Variants in ARPC4 observed in about 807,000 individuals in gnomAD.
ARPC4 encodes the protein actin-related protein 2/3 complex subunit 4.
In ARPC4, 3 loss-of-function variants were observed where a neutral mutation model predicts 22.8. That is an observed-to-expected ratio of 0.13 (90% confidence interval 0.06 to 0.34). ARPC4 has a LOEUF of 0.34. Among genes scored for constraint, ARPC4 ranks in the 10% least tolerant of loss-of-function variants. ARPC4 has a pLI of 1.00. For missense variants in ARPC4, 98 were observed against 211.0 expected (o/e 0.46, Z 3.32); for synonymous variants, 80 against 72.5 (o/e 1.10, Z -0.52).
rs13322032 is a variant in ARPC4 at position 9,794,216 on chromosome 3, A to G, written c.3+1092A>G. ...GGTTTACTTTCTATAACTGTTGACA[A>G]AGGCCAGGCGTGGTGGCTCACGCTT... On this transcript the variant is annotated intron_variant, in intron 1 of 5. Coordinates refer to ENST00000397261, the MANE Select transcript of ARPC4 (RefSeq NM_005718.5). Among the ~76,000 whole-genome samples, 1,137 of 152,288 alleles carry G rather than the reference A, an allele frequency of 7.5e-3. 12 individuals are homozygous for G. Among genetic ancestry groups the G allele is most frequent in the African/African-American group, 0.021 (885 of 41,560 alleles).
chr3:9,792,683 C>T (rs932461303), upstream of ARPC4: 12 of 1,233,228 alleles, frequency 9.7e-6, no homozygotes, highest in Admixed American at 2.1e-4. Context: ...GCAGTTAGCC[C>T]CGCCGAGCGC....
intron 4 of ARPC4, among the ~76,000 whole-genome samples, chr3:9,802,293 C>T (rs538141909): frequency 1.1e-4 from 16 of 150,258 alleles, no homozygotes; most frequent in East Asian, 9.8e-4. Flanking sequence ...TGCTTATTCC[C>T]GGAGCCTATA....
At chr3:9,794,002 T>C (rs988460141) in intron 1 of ARPC4, among the ~76,000 whole-genome samples, 1 of 152,196 alleles carries the variant, frequency 6.6e-6, no homozygotes, top group African/African-American at 2.4e-5. Context: ...AATTTGTTCT[T>C]CCTCCTGGGT....
chr3:9,792,994 G>A, upstream of ARPC4: 2 of 1,474,068 alleles, frequency 1.4e-6, no homozygotes, highest in Admixed American at 2.5e-5. Context: ...TCTCTACCCC[G>A]CTCGGAGCAT....
intron 1 of ARPC4, among the ~76,000 whole-genome samples, chr3:9,796,015 G>C (rs2078875928): frequency 6.6e-6 from 1 of 152,178 alleles, no homozygotes; most frequent in Non-Finnish European, 1.5e-5. Context: ...TGAATCACTT[G>C]AACCCGGGAG....
chr3:9,798,806 G>A (rs1428884670), intron 2 of ARPC4, among the ~76,000 whole-genome samples: 2 of 151,974 alleles, frequency 1.3e-5, no homozygotes, highest in African/African-American at 2.4e-5. Context: ...CCTGGGAGGC[G>A]GAGGTTGCAG....
At chr3:9,794,203 A>G (rs990407071) in intron 1 of ARPC4, among the ~76,000 whole-genome samples, 7 of 152,174 alleles carry the variant, frequency 4.6e-5, no homozygotes, top group African/African-American at 1.4e-4. Flanking sequence ...TTTACTTTCT[A>G]TAACTGTTGA....
rs116142193 is a variant in ARPC4 at position 9,805,457 on chromosome 3, G to A, written c.502-753G>A. Among the ~76,000 whole-genome samples the A allele has an allele frequency of 8.1e-3, 1,229 of 152,324 alleles. 21 individuals are homozygous for A. The highest frequency in any genetic ancestry group is 0.028 in the African/African-American group (1,154 of 41,564). On this transcript the variant is annotated intron_variant, in intron 5 of 5. Coordinates refer to ENST00000397261, the MANE Select transcript of ARPC4 (RefSeq NM_005718.5). Reference sequence around the variant, plus strand: ...ACAAATTCAGGTGCATCCAAAGGTCGGGTAGCTATGGAGTGGGCTGAGTAT... The same window carrying A: ...ACAAATTCAGGTGCATCCAAAGGTCAGGTAGCTATGGAGTGGGCTGAGTAT...
intron 1 of ARPC4, among the ~76,000 whole-genome samples, chr3:9,795,292 G>T (rs2078859323): frequency 6.6e-6 from 1 of 152,110 alleles, no homozygotes; most frequent in Non-Finnish European, 1.5e-5. Context: ...GAGCCCCTGG[G>T]AAGTTTTTTT....
At chr3:9,798,652 G>A (rs1410597901) in intron 2 of ARPC4, among the ~76,000 whole-genome samples, 1 of 152,132 alleles carries the variant, frequency 6.6e-6, no homozygotes, top group East Asian at 1.9e-4. Flanking sequence ...GAGGCAGACA[G>A]ATTATGAGGT....
chr3:9,793,042 C>A, upstream of ARPC4: 1 of 1,543,104 alleles, frequency 6.5e-7, no homozygotes. Flanking sequence ...GAGACCGTAG[C>A]TGCGCTTCTC....
At chr3:9,804,314 G>C (rs11916534) in intron 5 of ARPC4, 127 of 262,460 alleles carry the variant, frequency 4.8e-4, no homozygotes, top group African/African-American at 2.7e-3. Context: ...CCTCTATCTC[G>C]TTTAAACCCC....
chr3:9,805,728 C>G (rs975674639), intron 5 of ARPC4, among the ~76,000 whole-genome samples: 3 of 152,196 alleles, frequency 2.0e-5, no homozygotes, highest in Non-Finnish European at 2.9e-5. Context: ...CAGGGCTGTC[C>G]TAGGCAGCAT....
intron 2 of ARPC4, among the ~76,000 whole-genome samples, chr3:9,799,321 A>G (rs567299341): frequency 6.6e-6 from 1 of 152,354 alleles, no homozygotes; most frequent in East Asian, 1.9e-4. Flanking sequence ...GCTTGGGACC[A>G]AAAGTATTTC....
intron 3 of ARPC4, 57 bp from the exon 4 acceptor site, chr3:9,801,604 G>A (rs568416625): frequency 6.6e-7 from 1 of 1,519,184 alleles, no homozygotes; most frequent in Admixed American, 2.0e-5. Context: ...AGGCTACAAG[G>A]TGTTTTTGGC....
At chr3:9,794,493 C>T (rs1374448592) in intron 1 of ARPC4, among the ~76,000 whole-genome samples, 3 of 151,692 alleles carry the variant, frequency 2.0e-5, no homozygotes, top group Non-Finnish European at 4.4e-5. Context: ...AGTAAGACTC[C>T]GTCTCAAAAA....
intron 5 of ARPC4, among the ~76,000 whole-genome samples, chr3:9,805,581 A>G (rs557893303): frequency 6.6e-6 from 1 of 152,348 alleles, no homozygotes; most frequent in African/African-American, 2.4e-5. Context: ...TTGGATTTGT[A>G]TATGGCATCT....
chr3:9,806,157 C>T, intron 5 of ARPC4, 53 bp from the exon 6 acceptor site: 1 of 1,605,182 alleles, frequency 6.2e-7, no homozygotes, highest in Admixed American at 1.7e-5. Context: ...TAGAGCAGTG[C>T]CACCAGGATG....
rs2079057119 is a variant in ARPC4 at position 9,803,628 on chromosome 3, CAG to C, written c.331-213_331-212del. ...GTTTTCCAGAGATGTCTGATACACA[CAG>C]AATTCTCAACGGGGTTCAGTTGCTT... On this transcript the variant is annotated intron_variant, in intron 4 of 5. Coordinates refer to ENST00000397261, the MANE Select transcript of ARPC4 (RefSeq NM_005718.5). 5 of 714,112 alleles carry C rather than the reference CAG, an allele frequency of 7.0e-6. No individual in the cohort carries two copies. In the East Asian group the frequency reaches 1.3e-4, roughly 19 times the overall value. 44.2% of individuals were successfully genotyped at this position (714,112 alleles called of 1,614,324 possible).
Sources: allele counts gnomAD v4.1 joint callset (sites outside exome capture counted in the v4.1 genomes callset), GRCh38; gene constraint gnomAD v4.1.1; transcripts MANE v1.5; gene names NCBI Gene and HGNC (gene_info 2026-07-23, HGNC 2026-07-21).